ALMS1: variants seen among roughly 807,000 people sequenced by gnomAD.
ALMS1 encodes the protein centrosome-associated protein ALMS1.
ALMS1 carries 271 observed loss-of-function variants against 352.2 expected under a neutral mutation model. The observed-to-expected ratio is 0.77, with a 90% CI of 0.70 to 0.85. The LOEUF is 0.85. ALMS1 is among the 40% of genes least tolerant of loss of function. The pLI is 0.00. For synonymous variants in ALMS1, 1,865 were observed against 1,761.2 expected (o/e 1.06, Z -1.48); for missense variants, 5,445 against 4,870.7 (o/e 1.12, Z -3.51).
intron 1 of ALMS1, among the ~76,000 whole-genome samples, chr2:73,395,628 A>T (rs942946283): frequency 6.6e-6 from 1 of 152,112 alleles, no homozygotes; most frequent in East Asian, 1.9e-4. Context: ...ATTTTTATAT[A>T]TATTAATATT....
In ALMS1 at chr2:73,408,649, C is replaced by T; in HGVS notation, c.352C>T (p.Gln118Ter). 6.2e-7 allele frequency: 1 copy of T among 1,613,290 alleles called. No individual in the cohort carries two copies. Among genetic ancestry groups the T allele is most frequent in the Non-Finnish European group, 8.5e-7 (1 of 1,179,528 alleles). Residue 118 changes from glutamine (Q) to a stop codon, truncating the protein, a stop_gained, in exon 2 of 23, where the codon CAA (glutamine) becomes TAA (stop). Coordinates refer to ENST00000613296, the MANE Select transcript of ALMS1 (RefSeq NM_001378454.1). LOFTEE classifies it high-confidence loss of function. ...TGTTCCATTGACCTGTCATGTATGG[C>T]AACAGATAGTATATCAAGGCAATAG... is the stretch of plus-strand genomic sequence containing the variant. ...KIVPLTCHVW[Q>*]QIVYQGNSRT... is the part of the protein sequence containing the mutation.
rs1447282271 is a variant in ALMS1 at position 73,453,347 on chromosome 2, C to T, written c.6820C>T (p.Leu2274=). ...TTTGATGGAGGCAGAAAATATGGCA[C>T]TGAAACGATGCAATTTTCCTGCTCC... is the stretch of plus-strand genomic sequence containing the variant. The part of the protein sequence containing the change: ...TLLMEAENMA[L]KRCNFPAPLA... Residue 2274 remains leucine (L), a synonymous_variant, in exon 8 of 23, where the codon CTG becomes TTG. Transcript: ENST00000613296. 4 of 1,613,768 alleles carry T rather than the reference C, an allele frequency of 2.5e-6. No homozygotes were observed. The highest frequency in any genetic ancestry group is 3.3e-5 in the Admixed American group (2 of 59,946).
chr2:73,487,507 CAT>C, intron 9 of ALMS1, among the ~76,000 whole-genome samples: 1 of 152,176 alleles, frequency 6.6e-6, no homozygotes, highest in Non-Finnish European at 1.5e-5. Context: ...AAGAGGGTGT[CAT>C]AGTCCTGGCT....
chr2:73,590,540 C>T (rs933102248), intron 16 of ALMS1, among the ~76,000 whole-genome samples: 15 of 152,132 alleles, frequency 9.9e-5, no homozygotes, highest in African/African-American at 3.4e-4. Context: ...TCAGATTTGC[C>T]ATTTACATTT....
chr2:73,547,183 G>A (rs1345614729), intron 12 of ALMS1, among the ~76,000 whole-genome samples: 1 of 152,126 alleles, frequency 6.6e-6, no homozygotes, highest in African/African-American at 2.4e-5. Flanking sequence ...AGTAGGCTGG[G>A]CTAGGTTATG....
In ALMS1 at chr2:73,573,052, A is replaced by G. The variant is rs1289897917; in HGVS notation, c.11175A>G (p.Pro3725=). 6.2e-7 allele frequency: 1 copy of G among 1,614,002 alleles called. No individual in the cohort carries two copies. The highest frequency in any genetic ancestry group is 1.3e-5 in the African/African-American group (1 of 74,942). ...ATAAATATATTCTGAGTAAACAGCC[A>G]GGTTTTAATTATATAAGCAACACTT... ...KFDKYILSKQ[P]GFNYISNTSS... Residue 3725 remains proline (P), a synonymous_variant, in exon 16 of 23, where the codon CCA becomes CCG. Coordinates refer to ENST00000613296, the MANE Select transcript of ALMS1 (RefSeq NM_001378454.1).
intron 10 of ALMS1, among the ~76,000 whole-genome samples, chr2:73,505,176 G>A (rs1481832077): frequency 6.6e-6 from 1 of 152,144 alleles, no homozygotes; most frequent in Non-Finnish European, 1.5e-5. Flanking sequence ...TAATGCTGCA[G>A]TAAACATACA....
chr2:73,391,936 C>G (rs1029113530), intron 1 of ALMS1, among the ~76,000 whole-genome samples: 3 of 152,016 alleles, frequency 2.0e-5, no homozygotes, highest in Admixed American at 2.0e-4. Flanking sequence ...GTTCTCCTTT[C>G]TTGGGTTAAT....
Position 73,491,319 on chromosome 2 carries a change from ATCTTCACTG to A in ALMS1, c.9361_9369del (p.Ser3121_Leu3123del). 1 of 1,614,196 alleles carries A rather than the reference ATCTTCACTG, an allele frequency of 6.2e-7. No homozygotes were observed. On this transcript the variant is annotated inframe_deletion, in exon 10 of 23. Coordinates refer to ENST00000613296, the MANE Select transcript of ALMS1 (RefSeq NM_001378454.1). ...AATCTTTAGGTTTTCTAGGACCTAAATCTTCACTGGATTTCCAAGTCGTACAGCCTTCTC... is the reference window on the plus strand; with the variant it reads ...AATCTTTAGGTTTTCTAGGACCTAAAGATTTCCAAGTCGTACAGCCTTCTC...
Position 73,452,743 on chromosome 2 carries a change from A to G in ALMS1, c.6216A>G (p.Leu2072=), listed in dbSNP as rs754288227. The G allele has an allele frequency of 6.2e-7, 1 of 1,613,506 alleles. No homozygotes were observed. Among genetic ancestry groups the G allele is most frequent in the Non-Finnish European group, 8.5e-7 (1 of 1,179,938 alleles). Residue 2072 remains leucine (L), a synonymous_variant, in exon 8 of 23, where the codon CTA becomes CTG. Coordinates refer to ENST00000613296, the MANE Select transcript of ALMS1 (RefSeq NM_001378454.1). ...LPDRDQSKGI[L]KISAVPELTD... Reference sequence around the variant, plus strand: ...ATAGAGATCAAAGTAAAGGTATTCTAAAGATTTCAGCTGTCCCTGAACTAA... The same window carrying G: ...ATAGAGATCAAAGTAAAGGTATTCTGAAGATTTCAGCTGTCCCTGAACTAA...
intron 11 of ALMS1, among the ~76,000 whole-genome samples, chr2:73,528,744 T>G (rs1277188456): frequency 6.6e-6 from 1 of 152,128 alleles, no homozygotes; most frequent in Non-Finnish European, 1.5e-5. Context: ...ATTTTAGATT[T>G]GCCCTTTTGA....
intron 1 of ALMS1, among the ~76,000 whole-genome samples, chr2:73,407,423 A>G (rs552618938): frequency 1.1e-4 from 16 of 152,340 alleles, no homozygotes; most frequent in African/African-American, 3.8e-4. Flanking sequence ...TACTCAAATC[A>G]TAGCATGTAG....
chr2:73,533,156 C>T (rs1351484292), intron 11 of ALMS1, among the ~76,000 whole-genome samples: 1 of 152,218 alleles, frequency 6.6e-6, no homozygotes, highest in African/African-American at 2.4e-5. Context: ...AGGACCCTCT[C>T]CTGGAGCAAG....
chr2:73,605,755 A>G (rs1675802832), intron 21 of ALMS1, among the ~76,000 whole-genome samples: 1 of 152,066 alleles, frequency 6.6e-6, no homozygotes, highest in African/African-American at 2.4e-5. Context: ...AGGCAGGAGA[A>G]TTGCCTGAGC....
chr2:73,601,067 G>A (rs1675674081), intron 18 of ALMS1, 128 bp from the exon 19 acceptor site: 1 of 1,497,610 alleles, frequency 6.7e-7, no homozygotes, highest in East Asian at 2.3e-5. Flanking sequence ...CAGACTCAAG[G>A]GCACCCTGTG....
At chr2:73,538,200 C>T (rs1422168304) in intron 12 of ALMS1, among the ~76,000 whole-genome samples, 1 of 152,066 alleles carries the variant, frequency 6.6e-6, no homozygotes, top group Admixed American at 6.5e-5. Flanking sequence ...ACCCTTACAA[C>T]TCAACAACAA....
Position 73,602,292 on chromosome 2 carries a change from C to T in ALMS1, c.12222C>T (p.Thr4074=), listed in dbSNP as rs199638718. ...GGAAGCTGCAGAGCATGTTACAGAC[C>T]GAGCGGGATGCACTATTCAACATTG... The part of the protein sequence containing the change: ...QERKLQSMLQ[T]ERDALFNIDR... The change falls in exon 20 of 23, where the codon ACC becomes ACT. Residue 4074 remains threonine, a synonymous_variant. Transcript: ENST00000613296. The T allele has an allele frequency of 3.7e-5, 59 of 1,614,030 alleles. No individual in the cohort carries two copies. Among genetic ancestry groups the T allele is most frequent in the Admixed American group, 1.8e-4 (11 of 60,012 alleles).
chr2:73,515,768 T>TACACACACACACACAC (rs71406825), intron 10 of ALMS1, among the ~76,000 whole-genome samples: 85 of 141,582 alleles, frequency 6.0e-4, no homozygotes, highest in African/African-American at 2.0e-3. Flanking sequence ...TCCACAGAAA[T>TACACACACACACACAC]ACACACACAC....
At chr2:73,531,516 A>C (rs532362625) in intron 11 of ALMS1, among the ~76,000 whole-genome samples, 1 of 152,328 alleles carries the variant, frequency 6.6e-6, no homozygotes, top group South Asian at 2.1e-4. Context: ...GTAAGCCTCT[A>C]GAATGTTCCA....
Sources: allele counts gnomAD v4.1 joint callset (sites outside exome capture counted in the v4.1 genomes callset), GRCh38; gene constraint gnomAD v4.1.1; transcripts MANE v1.5; gene names NCBI Gene and HGNC (gene_info 2026-07-23, HGNC 2026-07-21).